FAM120A: variants seen among roughly 807,000 people sequenced by gnomAD.
FAM120A encodes the protein family with sequence similarity 120 member A.
A neutral mutation model predicts 109.7 loss-of-function variants in FAM120A; 15 were observed. The ratio of observed to expected loss-of-function variants is 0.14; its 90% CI spans 0.09 to 0.21. FAM120A has a LOEUF of 0.21. Ranked by LOEUF, FAM120A falls within the 10% of genes least tolerant of loss-of-function variation. The probability of loss-of-function intolerance (pLI) is 1.00; values close to 1 mark genes in which losing one functional copy is unlikely to be tolerated. For synonymous variants in FAM120A, 493 were observed against 572.8 expected (o/e 0.86, Z 1.99); for missense variants, 899 against 1,439.3 (o/e 0.62, Z 6.07).
At chr9:93,482,571 G>A (rs1858867489) in intron 3 of FAM120A, among the ~76,000 whole-genome samples, 1 of 151,542 alleles carries the variant, frequency 6.6e-6, no homozygotes, top group Non-Finnish European at 1.5e-5. Context: ...TCATTGAGTG[G>A]TACTTTTAAA....
At chr9:93,490,041 A>G (rs1453326985) in intron 3 of FAM120A, among the ~76,000 whole-genome samples, 1 of 152,226 alleles carries the variant, frequency 6.6e-6, no homozygotes, top group Non-Finnish European at 1.5e-5. Context: ...CACCAAGAAG[A>G]ATGAGAGTTT....
At chr9:93,541,653 G>A (rs1861705843) in intron 10 of FAM120A, among the ~76,000 whole-genome samples, 2 of 152,072 alleles carry the variant, frequency 1.3e-5, no homozygotes, top group South Asian at 2.1e-4. Flanking sequence ...GTAAATGAAA[G>A]ACATTTGCCT....
intron 5 of FAM120A, among the ~76,000 whole-genome samples, chr9:93,514,952 A>C (rs751164831): frequency 6.6e-6 from 1 of 152,138 alleles, no homozygotes; most frequent in Non-Finnish European, 1.5e-5. Flanking sequence ...CCATTCCTCT[A>C]TGTGGCTTTC....
At chr9:93,478,649 T>C (rs1858653577) in intron 3 of FAM120A, among the ~76,000 whole-genome samples, 1 of 152,118 alleles carries the variant, frequency 6.6e-6, no homozygotes, top group Admixed American at 6.5e-5. Context: ...CTAATTTTTG[T>C]GTTTTTAGTA....
chr9:93,546,425 C>G (rs1278103846), intron 11 of FAM120A, among the ~76,000 whole-genome samples: 3 of 152,194 alleles, frequency 2.0e-5, no homozygotes, highest in African/African-American at 7.2e-5. Flanking sequence ...GCTAGGGTCA[C>G]ATCGTTTCAG....
chr9:93,474,707 C>A (rs1176097240), intron 2 of FAM120A, among the ~76,000 whole-genome samples: 1 of 152,138 alleles, frequency 6.6e-6, no homozygotes, highest in Non-Finnish European at 1.5e-5. Flanking sequence ...CATTCTCCCA[C>A]CTCAGCCTCC....
At position 93,497,728 on chromosome 9, in the gene FAM120A, T is replaced by C. The variant is rs576964545; in HGVS notation, c.933+129T>C. ...ACTGGATGGGTCTGAGAGCTCTTGC[T>C]CAGGCCACTGGAAGAAAGCTGCAGG... On this transcript the variant is annotated intron_variant, in intron 4 of 17. Transcript: ENST00000277165. 1.0e-5 allele frequency: 12 copies of C among 1,156,556 alleles called. No homozygotes were observed. The South Asian group carries it at 2.0e-4, about 19-fold the overall frequency. The allele number at this position is 1,156,556 out of a possible 1,614,324, so 71.6% of individuals were successfully genotyped here.
intron 2 of FAM120A, among the ~76,000 whole-genome samples, chr9:93,472,240 A>T (rs1272412415): frequency 6.6e-6 from 1 of 151,852 alleles, no homozygotes; most frequent in Admixed American, 6.6e-5. Context: ...AGCCTGGGAG[A>T]CAGAGTGAGA....
chr9:93,457,356 T>A (rs2131197940), intron 1 of FAM120A, among the ~76,000 whole-genome samples: 1 of 151,750 alleles, frequency 6.6e-6, no homozygotes. Context: ...ATATTTTATG[T>A]CATAAGTTAT....
In FAM120A at chr9:93,561,151, C is replaced by G; in HGVS notation, c.2849C>G (p.Ala950Gly). 6.2e-7 allele frequency: 1 copy of G among 1,613,910 alleles called. No individual in the cohort carries two copies. Residue 950 changes from alanine to glycine, a missense_variant, in exon 16 of 18, where the codon GCT (alanine) becomes GGT (glycine). By Grantham distance (60) the Ala-to-Gly change is moderately conservative. Coordinates refer to ENST00000277165, the MANE Select transcript of FAM120A (RefSeq NM_014612.5). ...IPSQGGKLEI[A>G]GTVVGHWAGS... Reference sequence around the variant, plus strand: ...TCTCAGGGAGGCAAACTAGAAATAGCTGGCACTGTGGTTGGCCATTGGGCT... The same window carrying G: ...TCTCAGGGAGGCAAACTAGAAATAGGTGGCACTGTGGTTGGCCATTGGGCT...
At chr9:93,479,412 A>G (rs771992614) in intron 3 of FAM120A, among the ~76,000 whole-genome samples, 2 of 152,242 alleles carry the variant, frequency 1.3e-5, no homozygotes, top group Non-Finnish European at 2.9e-5. Flanking sequence ...TATTAACTTC[A>G]TAGAACACCA....
chr9:93,549,866 T>A (rs892138501), intron 11 of FAM120A, among the ~76,000 whole-genome samples: 1 of 152,246 alleles, frequency 6.6e-6, no homozygotes, highest in African/African-American at 2.4e-5. Flanking sequence ...CAGACACTCC[T>A]TGGGGTTGTG....
intron 10 of FAM120A, among the ~76,000 whole-genome samples, chr9:93,539,886 T>G (rs78437191): frequency 0.03 from 4,622 of 152,362 alleles, 112 homozygotes; most frequent in African/African-American, 0.051. Context: ...AGCATTTTTC[T>G]TTCCTCAACT....
Position 93,494,503 on chromosome 9 carries a change from G to A in FAM120A, c.805-2968G>A, listed in dbSNP as rs573894230. Among the ~76,000 whole-genome samples, 162 of 152,244 alleles carry A rather than the reference G, an allele frequency of 1.1e-3. 1 individual carries two copies. The highest frequency in any genetic ancestry group is 3.9e-3 in the African/African-American group (160 of 41,558). On this transcript the variant is annotated intron_variant, in intron 3 of 17. Transcript: ENST00000277165. The stretch of plus-strand genomic sequence containing the variant: ...GGTCATTTGCCTCACTCCAGCATTC[G>A]TGGCCTGTTCCATTACTGTCTTTGC...
At chr9:93,466,039 G>A (rs933475034) in intron 1 of FAM120A, among the ~76,000 whole-genome samples, 4 of 152,212 alleles carry the variant, frequency 2.6e-5, no homozygotes, top group Non-Finnish European at 5.9e-5. Flanking sequence ...GCATTGACTC[G>A]GCTTAGCACT....
chr9:93,545,826 T>C (rs1349778283), intron 11 of FAM120A, among the ~76,000 whole-genome samples: 1 of 140,156 alleles, frequency 7.1e-6, no homozygotes, highest in African/African-American at 2.6e-5. Context: ...TTTTTTGCTC[T>C]TGTCGCTGGA....
At chr9:93,538,092 A>G (rs1217437303) in intron 10 of FAM120A, among the ~76,000 whole-genome samples, 1 of 151,828 alleles carries the variant, frequency 6.6e-6, no homozygotes, top group Non-Finnish European at 1.5e-5. Context: ...TTGAGTTTCT[A>G]ATATATTAGG....
intron 1 of FAM120A, among the ~76,000 whole-genome samples, chr9:93,462,339 A>C (rs1004835026): frequency 6.6e-6 from 1 of 152,134 alleles, no homozygotes; most frequent in Non-Finnish European, 1.5e-5. Context: ...GTAGCGCAGT[A>C]GCGTGATCTC....
intron 7 of FAM120A, among the ~76,000 whole-genome samples, chr9:93,524,614 CAT>C (rs901649781): frequency 5.9e-5 from 9 of 152,210 alleles, no homozygotes; most frequent in Non-Finnish European, 1.3e-4. Context: ...TGCATTCTCA[CAT>C]ATGTGTGAAA....
Sources: allele counts gnomAD v4.1 joint callset (sites outside exome capture counted in the v4.1 genomes callset), GRCh38; gene constraint gnomAD v4.1.1; transcripts MANE v1.5; gene names NCBI Gene and HGNC (gene_info 2026-07-23, HGNC 2026-07-21).